RPH3A: variants seen among roughly 807,000 people sequenced by gnomAD.
The protein encoded by RPH3A is rabphilin-3A.
Under a neutral mutation model 102.2 loss-of-function variants are expected in RPH3A, and 48 were observed. That is an observed-to-expected ratio of 0.47 (90% CI 0.37 to 0.60). The LOEUF (loss-of-function observed/expected upper bound fraction) is 0.60, where lower values mean the gene tolerates loss of function less well. RPH3A is among the 20% of genes least tolerant of loss of function. The pLI is 0.00. For missense variants in RPH3A, 781 were observed against 910.1 expected (o/e 0.86, Z 1.83); for synonymous variants, 310 against 324.3 (o/e 0.96, Z 0.47).
chr12:112,579,347 G>A (rs1044729476), intron 1 of RPH3A, among the ~76,000 whole-genome samples: 6 of 152,158 alleles, frequency 3.9e-5, no homozygotes, highest in African/African-American at 1.4e-4. Context: ...GGCTCAAACA[G>A]ACCTTTCAGA....
intron 1 of RPH3A, among the ~76,000 whole-genome samples, chr12:112,607,774 C>A (rs1328012608): frequency 6.6e-6 from 1 of 152,210 alleles, no homozygotes; most frequent in Non-Finnish European, 1.5e-5. Flanking sequence ...CTTCTCTCTG[C>A]AATTTCTCTT....
chr12:112,775,091 G>A (rs1421141596), intron 1 of RPH3A, among the ~76,000 whole-genome samples: 2 of 151,098 alleles, frequency 1.3e-5, no homozygotes, highest in Non-Finnish European at 2.9e-5. Context: ...TATTAGGAAG[G>A]ATGGTTAATG....
chr12:112,855,293 G>A (rs896952464), intron 5 of RPH3A, among the ~76,000 whole-genome samples: 3 of 152,168 alleles, frequency 2.0e-5, no homozygotes, highest in African/African-American at 7.2e-5. Flanking sequence ...ATGGCTTAAG[G>A]AAAACAATGC....
chr12:112,662,004 G>A (rs754011366), intron 1 of RPH3A, among the ~76,000 whole-genome samples: 5 of 152,078 alleles, frequency 3.3e-5, no homozygotes, highest in Non-Finnish European at 7.4e-5. Flanking sequence ...GGACAAAATT[G>A]CTTTCTTCTG....
intron 1 of RPH3A, among the ~76,000 whole-genome samples, chr12:112,733,336 A>G (rs1014602355): frequency 2.6e-5 from 4 of 152,170 alleles, no homozygotes; most frequent in African/African-American, 9.7e-5. Flanking sequence ...CCAGCATCAC[A>G]CACACATACA....
chr12:112,706,606 A>C (rs992975426), intron 1 of RPH3A, among the ~76,000 whole-genome samples: 21 of 152,346 alleles, frequency 1.4e-4, no homozygotes, highest in Admixed American at 4.6e-4. Context: ...AGAGCCTTGA[A>C]TAACGCATAG....
intron 2 of RPH3A, among the ~76,000 whole-genome samples, chr12:112,824,055 A>T (rs982462354): frequency 1.3e-5 from 2 of 152,190 alleles, no homozygotes; most frequent in South Asian, 2.1e-4. Context: ...AGAACCTGAG[A>T]TGTGCATTCT....
At chr12:112,729,492 G>A (rs545525832) in intron 1 of RPH3A, among the ~76,000 whole-genome samples, 1 of 151,732 alleles carries the variant, frequency 6.6e-6, no homozygotes, top group African/African-American at 2.4e-5. Context: ...GGCATACAAA[G>A]GGAATTTTTT....
At chr12:112,613,570 A>G (rs895208577) in intron 1 of RPH3A, among the ~76,000 whole-genome samples, 4 of 152,164 alleles carry the variant, frequency 2.6e-5, no homozygotes, top group African/African-American at 9.7e-5. Flanking sequence ...GGTGAGCCCA[A>G]TCCATCACCC....
intron 10 of RPH3A, chr12:112,873,752 G>C (rs2042745132): frequency 6.6e-6 from 1 of 152,236 alleles, no homozygotes; most frequent in South Asian, 2.1e-4. Flanking sequence ...ATTGAGTTGT[G>C]AAGCTTCCAT....
intron 2 of RPH3A, among the ~76,000 whole-genome samples, chr12:112,819,270 T>A (rs2041735585): frequency 6.6e-6 from 1 of 151,988 alleles, no homozygotes; most frequent in African/African-American, 2.4e-5. Context: ...CATGCCCAAC[T>A]AATTTTTTTG....
intron 15 of RPH3A, among the ~76,000 whole-genome samples, chr12:112,882,067 G>A (rs533885498): frequency 3.3e-5 from 5 of 152,156 alleles, no homozygotes; most frequent in South Asian, 4.1e-4. Context: ...AGAAACCTGG[G>A]ATCTGGGCAG....
intron 1 of RPH3A, among the ~76,000 whole-genome samples, chr12:112,728,965 T>C (rs190164968): frequency 2.0e-5 from 3 of 152,276 alleles, no homozygotes; most frequent in African/African-American, 7.2e-5. Context: ...TATGGCTTCT[T>C]CTGGTCATTG....
At chr12:112,611,009 G>A (rs1436900540) in intron 1 of RPH3A, among the ~76,000 whole-genome samples, 1 of 152,156 alleles carries the variant, frequency 6.6e-6, no homozygotes, top group Non-Finnish European at 1.5e-5. Context: ...ATTCTTTGAG[G>A]ACAAAGATTT....
At chr12:112,812,137 C>T (rs2041588952) in intron 2 of RPH3A, among the ~76,000 whole-genome samples, 1 of 151,922 alleles carries the variant, frequency 6.6e-6, no homozygotes, top group South Asian at 2.1e-4. Context: ...GGGAACTTAA[C>T]CAACTTTGAG....
chr12:112,617,668 G>C (rs879364485), intron 1 of RPH3A: 6 of 152,304 alleles, frequency 3.9e-5, no homozygotes, highest in Admixed American at 3.3e-4. Context: ...CTGCCTCGGA[G>C]ACTTCCTGGA....
At chr12:112,668,072 C>A (rs1443366361) in intron 1 of RPH3A, among the ~76,000 whole-genome samples, 1 of 152,136 alleles carries the variant, frequency 6.6e-6, no homozygotes, top group African/African-American at 2.4e-5. Flanking sequence ...ACTTCCATGG[C>A]TTCATTCATA....
intron 1 of RPH3A, among the ~76,000 whole-genome samples, chr12:112,585,837 T>C (rs1456110107): frequency 1.3e-5 from 2 of 152,190 alleles, no homozygotes; most frequent in Admixed American, 6.5e-5. Flanking sequence ...ATGTTGAGAT[T>C]CAATAAGGAC....
intron 1 of RPH3A, among the ~76,000 whole-genome samples, chr12:112,682,654 T>C (rs77885072): frequency 0.25 from 37,314 of 152,012 alleles, 4,965 homozygotes; most frequent in Admixed American, 0.32. Flanking sequence ...TTGGAGAGCG[T>C]CATCCAGCCA....
Sources: allele counts gnomAD v4.1 joint callset (sites outside exome capture counted in the v4.1 genomes callset), GRCh38; gene constraint gnomAD v4.1.1; transcripts MANE v1.5; gene names NCBI Gene and HGNC (gene_info 2026-07-23, HGNC 2026-07-21).